The following EFNA5 variants were observed in gnomAD, a reference collection of about 807,000 sequenced individuals.
The protein encoded by EFNA5 is ephrin A5.
Under a neutral mutation model 22.9 loss-of-function variants are expected in EFNA5, and 5 were observed. The ratio of observed to expected loss-of-function variants is 0.22; its 90% CI spans 0.11 to 0.46. The LOEUF (loss-of-function observed/expected upper bound fraction) is 0.46, where lower values mean the gene tolerates loss of function less well. Among genes scored for constraint, EFNA5 ranks in the 20% least tolerant of loss-of-function variants. The pLI is 0.99. For synonymous variants in EFNA5, 113 were observed against 112.2 expected, an observed-to-expected ratio of 1.01 and a Z score of -0.04; for missense variants, 237 against 293.3, an observed-to-expected ratio of 0.81 and a Z score of 1.40.
intron 1 of EFNA5, among the ~76,000 whole-genome samples, chr5:107,599,789 C>T (rs1215500679): frequency 6.6e-6 from 1 of 152,190 alleles, no homozygotes; most frequent in Non-Finnish European, 1.5e-5. Context: ...GAAAATCCTA[C>T]TGTAGTGCCA....
At chr5:107,441,182 G>A (rs950175212) in intron 1 of EFNA5, among the ~76,000 whole-genome samples, 25 of 151,972 alleles carry the variant, frequency 1.6e-4, no homozygotes, top group Non-Finnish European at 3.2e-4. Flanking sequence ...CCAACTCAAG[G>A]ATGTTTTTAA....
intron 1 of EFNA5, among the ~76,000 whole-genome samples, chr5:107,608,604 C>T (rs539797778): frequency 6.6e-6 from 1 of 152,204 alleles, no homozygotes; most frequent in Non-Finnish European, 1.5e-5. Flanking sequence ...CCTGAGCTCC[C>T]AAGAGAGGTG....
intron 2 of EFNA5, among the ~76,000 whole-genome samples, chr5:107,415,227 G>A (rs574263668): frequency 8.5e-5 from 13 of 152,100 alleles, no homozygotes; most frequent in African/African-American, 2.9e-4. Context: ...CTACATGCTA[G>A]CTATTAATAT....
chr5:107,569,723 G>A (rs1373294792), intron 1 of EFNA5, among the ~76,000 whole-genome samples: 1 of 147,958 alleles, frequency 6.8e-6, no homozygotes, highest in African/African-American at 2.5e-5. Flanking sequence ...ATGGTGGCAT[G>A]TGCCTGTAAT....
chr5:107,401,920 A>AAC (rs1240959455), intron 2 of EFNA5, among the ~76,000 whole-genome samples: 1 of 152,166 alleles, frequency 6.6e-6, no homozygotes, highest in African/African-American at 2.4e-5. Flanking sequence ...TAGGAACAAA[A>AAC]ACACTTACAA....
rs1371896932 is a variant in EFNA5, at chr5:107,377,137, T to C, written c.*4118A>G. 1.3e-5 allele frequency: 2 copies of C among 152,094 alleles called. No individual in the cohort carries two copies. The allele number at this position is 152,094 out of a possible 1,614,324, so 9.4% of individuals were successfully genotyped here. On this transcript the variant is annotated 3_prime_UTR_variant, in exon 5 of 5. Transcript: ENST00000333274. ...ACTTCACACCCAGACGCACACACAATGAGTGGCTTCAATGGGGTGTCAAGA... is the reference window on the plus strand; with the variant it reads ...ACTTCACACCCAGACGCACACACAACGAGTGGCTTCAATGGGGTGTCAAGA...
intron 2 of EFNA5, among the ~76,000 whole-genome samples, chr5:107,425,685 T>C (rs1197264273): frequency 6.6e-6 from 1 of 152,224 alleles, no homozygotes; most frequent in East Asian, 1.9e-4. Context: ...AAATATGTAC[T>C]GAAATAATAA....
intron 2 of EFNA5, among the ~76,000 whole-genome samples, chr5:107,423,966 A>G (rs929912969): frequency 3.3e-5 from 5 of 152,170 alleles, no homozygotes; most frequent in African/African-American, 1.2e-4. Context: ...GACATTAAGA[A>G]AAAAAGAAAT....
chr5:107,465,940 C>T (rs552787925), intron 1 of EFNA5, among the ~76,000 whole-genome samples: 1 of 152,222 alleles, frequency 6.6e-6, no homozygotes, highest in East Asian at 1.9e-4. Flanking sequence ...CTGCCTTGCC[C>T]ACTACACCCA....
At chr5:107,546,680 ACACACACT>A (rs1292777460) in intron 1 of EFNA5, among the ~76,000 whole-genome samples, 31 of 123,688 alleles carry the variant, frequency 2.5e-4, no homozygotes, top group African/African-American at 8.3e-4. Context: ...ACACACACAC[ACACACACT>A]CTCACCCCTG....
At chr5:107,620,277 C>A (rs1472103841) in intron 1 of EFNA5, among the ~76,000 whole-genome samples, 1 of 152,242 alleles carries the variant, frequency 6.6e-6, no homozygotes, top group Non-Finnish European at 1.5e-5. Context: ...GGCCACGTTT[C>A]ATTTACTTTC....
intron 1 of EFNA5, among the ~76,000 whole-genome samples, chr5:107,580,997 G>C (rs1387466644): frequency 6.6e-6 from 1 of 152,154 alleles, no homozygotes; most frequent in African/African-American, 2.4e-5. Context: ...GTAAATTTGT[G>C]CTTTGGATGA....
chr5:107,448,317 T>G (rs1473308368), intron 1 of EFNA5, among the ~76,000 whole-genome samples: 1 of 152,158 alleles, frequency 6.6e-6, no homozygotes, highest in Non-Finnish European at 1.5e-5. Context: ...AGTAAACTAT[T>G]CACTTATTCT....
chr5:107,614,188 A>G (rs1749871311), intron 1 of EFNA5, among the ~76,000 whole-genome samples: 1 of 152,156 alleles, frequency 6.6e-6, no homozygotes, highest in South Asian at 2.1e-4. Context: ...GAACTAGTTC[A>G]CAGCAACTTC....
At chr5:107,495,403 A>G (rs1746949942) in intron 1 of EFNA5, among the ~76,000 whole-genome samples, 1 of 152,188 alleles carries the variant, frequency 6.6e-6, no homozygotes, top group Non-Finnish European at 1.5e-5. Flanking sequence ...ACATCCGAAC[A>G]TCAGAAGGAA....
At chr5:107,459,430 CAGAAAA>C (rs578149792) in intron 1 of EFNA5, among the ~76,000 whole-genome samples, 100 of 150,090 alleles carry the variant, frequency 6.7e-4, no homozygotes, top group Admixed American at 2.1e-3. Context: ...GCTAGAACTA[CAGAAAA>C]ATAGATGGTT....
Position 107,670,671 on chromosome 5 carries a change from CGGAG to C in EFNA5, c.-62_-59del. On this transcript the variant is annotated 5_prime_UTR_variant, in exon 1 of 5. Transcript: ENST00000333274. ...CCACTCCGGGGAGAGAGCGGGGATC[CGGAG>C]GGAGGGAGGCAGGCAAAGGGACAGA... 1.3e-6 allele frequency: 2 copies of C among 1,571,328 alleles called. No individual in the cohort carries two copies. The highest frequency in any genetic ancestry group is 1.8e-5 in the Admixed American group (1 of 55,762).
At chr5:107,452,183 AG>A (rs1430195344) in intron 1 of EFNA5, among the ~76,000 whole-genome samples, 2 of 152,054 alleles carry the variant, frequency 1.3e-5, no homozygotes, top group African/African-American at 4.8e-5. Flanking sequence ...GGACACAGGG[AG>A]GGGAACAACA....
intron 1 of EFNA5, among the ~76,000 whole-genome samples, chr5:107,521,478 T>TATATATA (rs1561421052): frequency 1.3e-4 from 14 of 107,112 alleles, no homozygotes; most frequent in African/African-American, 8.2e-4. Flanking sequence ...ATATATATAT[T>TATATATA]TTTTTTTTTT....
Sources: gnomAD v4.1 joint callset for allele counts (sites outside exome capture counted in the v4.1 genomes callset) on GRCh38, gnomAD v4.1.1 for gene constraint, MANE v1.5 for transcripts, NCBI Gene and HGNC (gene_info 2026-07-23, HGNC 2026-07-21) for gene names.